PTK2: variants seen among roughly 807,000 people sequenced by gnomAD.
PTK2 encodes the protein focal adhesion kinase 1.
In PTK2, 45 loss-of-function variants were observed where a neutral mutation model predicts 150.1. The ratio of observed to expected loss-of-function variants is 0.30; its 90% CI spans 0.24 to 0.38. The LOEUF (loss-of-function observed/expected upper bound fraction) is 0.38, where lower values mean the gene tolerates loss of function less well. Among genes scored for constraint, PTK2 ranks in the 10% least tolerant of loss-of-function variants. The probability of loss-of-function intolerance (pLI) is 1.00; values close to 1 mark genes in which losing one functional copy is unlikely to be tolerated. For missense variants in PTK2, 919 were observed against 1,307.3 expected (o/e 0.70, Z 4.58); for synonymous variants, 432 against 449.2 (o/e 0.96, Z 0.48).
At chr8:140,899,424 G>A (rs2100157570) in intron 2 of PTK2, among the ~76,000 whole-genome samples, 1 of 152,148 alleles carries the variant, frequency 6.6e-6, no homozygotes, top group Non-Finnish European at 1.5e-5. Flanking sequence ...GGAATAAATT[G>A]ATAAATTCTT....
intron 26 of PTK2, among the ~76,000 whole-genome samples, chr8:140,694,869 T>C (rs1213294052): frequency 1.3e-5 from 2 of 152,190 alleles, no homozygotes; most frequent in Non-Finnish European, 2.9e-5. Context: ...CATCACCACT[T>C]GACAGTGTCA....
At position 140,870,556 on chromosome 8, in the gene PTK2, T is replaced by G. The variant is rs73373574; in HGVS notation, c.363-6157A>C. 4.2e-3 allele frequency among the ~76,000 whole-genome samples: 636 copies of G among 152,100 alleles called. 9 individuals are homozygous for G. Among genetic ancestry groups the G allele is most frequent in the African/African-American group, 0.015 (604 of 41,500 alleles). On this transcript the variant is annotated intron_variant, in intron 4 of 31. Coordinates refer to ENST00000522684, the Ensembl canonical transcript of PTK2. Reference sequence around the variant, plus strand: ...ACACAAAGGCTTTGCAGAGAAGACATCAGAAGGCATCAAAGACAATGGACA... The same window carrying G: ...ACACAAAGGCTTTGCAGAGAAGACAGCAGAAGGCATCAAAGACAATGGACA...
chr8:140,992,291 C>G (rs1459497902), intron 1 of PTK2, among the ~76,000 whole-genome samples: 1 of 128,454 alleles, frequency 7.8e-6, no homozygotes, highest in Non-Finnish European at 1.6e-5. Context: ...GACTTCATCT[C>G]GGAAAAAAAA....
rs889265192 is a variant in PTK2, at chr8:140,956,690, A to T, written c.-121-30941T>A. Among the ~76,000 whole-genome samples, 6 of 152,182 alleles carry T rather than the reference A, an allele frequency of 3.9e-5. No homozygotes were observed. The East Asian group carries it at 1.2e-3, about 29-fold the overall frequency. ...GGGACAAGATACAAAGGTGGAAGATATTGATATTGATGATCCTGACCTTGT... is the reference window on the plus strand; with the variant it reads ...GGGACAAGATACAAAGGTGGAAGATTTTGATATTGATGATCCTGACCTTGT... On this transcript the variant is annotated intron_variant, in intron 1 of 31. Transcript: ENST00000522684.
intron 2 of PTK2, among the ~76,000 whole-genome samples, chr8:140,916,259 C>A (rs143220458): frequency 6.6e-6 from 1 of 152,182 alleles, no homozygotes; most frequent in African/African-American, 2.4e-5. Flanking sequence ...TAGGATAGAT[C>A]GGCAAACTGT....
At chr8:140,682,769 G>T (rs758204934) in intron 27 of PTK2, among the ~76,000 whole-genome samples, 6 of 151,990 alleles carry the variant, frequency 3.9e-5, no homozygotes, top group Non-Finnish European at 7.4e-5. Flanking sequence ...ATGACTTCTG[G>T]GTAAGGCAGA....
At chr8:140,902,947 T>TTTG (rs2100159311) in intron 2 of PTK2, among the ~76,000 whole-genome samples, 1 of 143,138 alleles carries the variant, frequency 7.0e-6, no homozygotes, top group Non-Finnish European at 1.5e-5. Flanking sequence ...TTTTTTTTTT[T>TTTG]TTTTTTTTTT....
At chr8:140,996,829 T>G (rs1301862991) in intron 1 of PTK2, among the ~76,000 whole-genome samples, 2 of 152,124 alleles carry the variant, frequency 1.3e-5, no homozygotes, top group African/African-American at 4.8e-5. Context: ...ATCAATGAGG[T>G]TTTCATGCTT....
intron 5 of PTK2, among the ~76,000 whole-genome samples, chr8:140,859,708 T>C (rs915104487): frequency 1.3e-5 from 2 of 152,200 alleles, no homozygotes; most frequent in South Asian, 2.1e-4. Context: ...ACGCTGGCTA[T>C]AGAAAGCTGA....
intron 27 of PTK2, 71 bp downstream of exon 30, chr8:140,686,561 T>C: frequency 2.6e-6 from 3 of 1,168,196 alleles, no homozygotes; most frequent in Non-Finnish European, 3.8e-6. Flanking sequence ...TTGGATATAT[T>C]GTGACATAAA....
At chr8:140,835,875 T>C (rs2100118395) in intron 7 of PTK2, among the ~76,000 whole-genome samples, 1 of 152,102 alleles carries the variant, frequency 6.6e-6, no homozygotes. Context: ...TCCTCCCACA[T>C]CCCAAAGATG....
intron 1 of PTK2, among the ~76,000 whole-genome samples, chr8:140,936,288 C>G (rs960052238): frequency 1.3e-4 from 20 of 152,158 alleles, no homozygotes; most frequent in Admixed American, 5.2e-4. Context: ...ACATCTACAT[C>G]ACCTAAAGAG....
intron 16 of PTK2, among the ~76,000 whole-genome samples, chr8:140,753,920 A>G (rs2100064184): frequency 6.6e-6 from 1 of 152,224 alleles, no homozygotes; most frequent in African/African-American, 2.4e-5. Flanking sequence ...TTAAATGAAG[A>G]TGTTCATTAA....
At chr8:140,818,324 T>A (rs751799081) in exon 10 of PTK2, 1 of 1,613,962 alleles carries the variant, frequency 6.2e-7, no homozygotes, top group Admixed American at 1.7e-5. Flanking sequence ...TCTGGGCCGA[T>A]TGCCAGTTCC....
chr8:140,767,794 A>T (rs919349342), intron 14 of PTK2, among the ~76,000 whole-genome samples: 2 of 152,118 alleles, frequency 1.3e-5, no homozygotes, highest in African/African-American at 2.4e-5. Flanking sequence ...CTTGACATTG[A>T]TTTGGCTGTA....
intron 22 of PTK2, among the ~76,000 whole-genome samples, chr8:140,720,255 TA>T (rs372532904): frequency 9.1e-4 from 139 of 152,270 alleles, no homozygotes; most frequent in Admixed American, 5.2e-3. Context: ...ATTTATGACT[TA>T]AAAAAACACC....
chr8:140,747,653 A>C (rs1299969903), intron 17 of PTK2, among the ~76,000 whole-genome samples: 1 of 66,142 alleles, frequency 1.5e-5, no homozygotes, highest in East Asian at 6.7e-4. Flanking sequence ...GGGGAGGAGG[A>C]AGAGGAGGGG....
intron 26 of PTK2, among the ~76,000 whole-genome samples, chr8:140,692,816 G>A (rs1180446502): frequency 6.6e-6 from 1 of 152,202 alleles, no homozygotes; most frequent in African/African-American, 2.4e-5. Flanking sequence ...TGGCCTTGCT[G>A]CGTAGCAGAA....
chr8:140,920,069 G>A (rs1458324720), intron 2 of PTK2, among the ~76,000 whole-genome samples: 1 of 151,850 alleles, frequency 6.6e-6, no homozygotes, highest in Non-Finnish European at 1.5e-5. Flanking sequence ...TTTCCTAAGG[G>A]AGTAACATGA....
Sources: allele counts gnomAD v4.1 joint callset (sites outside exome capture counted in the v4.1 genomes callset), GRCh38; gene constraint gnomAD v4.1.1; transcripts MANE v1.5; gene names NCBI Gene and HGNC (gene_info 2026-07-23, HGNC 2026-07-21).